CLSTN2: variants seen among roughly 807,000 people sequenced by gnomAD.
CLSTN2 encodes calsyntenin-2.
CLSTN2 carries 48 observed loss-of-function variants against 101.2 expected under a neutral mutation model. The ratio of observed to expected loss-of-function variants is 0.47; its 90% CI spans 0.38 to 0.60. The LOEUF (loss-of-function observed/expected upper bound fraction) is 0.60. Among genes scored for constraint, CLSTN2 ranks in the 20% least tolerant of loss-of-function variants. The pLI is 0.00. For synonymous variants in CLSTN2, 481 were observed against 463.6 expected (o/e 1.04, Z -0.48); for missense variants, 1,160 against 1,238.2 (o/e 0.94, Z 0.95).
chr3:140,250,279 G>A (rs1216381170), intron 2 of CLSTN2, among the ~76,000 whole-genome samples: 2 of 152,280 alleles, frequency 1.3e-5, no homozygotes, highest in South Asian at 2.1e-4. Context: ...TTGGATCTGG[G>A]AATAGAGTAA....
chr3:140,350,928 A>G (rs2107942590), intron 2 of CLSTN2, among the ~76,000 whole-genome samples: 1 of 152,256 alleles, frequency 6.6e-6, no homozygotes, highest in South Asian at 2.1e-4. Flanking sequence ...TACATACCTG[A>G]GCTCCTCTCA....
intron 1 of CLSTN2, among the ~76,000 whole-genome samples, chr3:140,107,434 A>G (rs1461300078): frequency 6.6e-6 from 1 of 152,158 alleles, no homozygotes. Context: ...ACAACTCCAG[A>G]AAAGAGTCTT....
At chr3:139,952,287 G>A (rs1469512440) in intron 1 of CLSTN2, among the ~76,000 whole-genome samples, 5 of 152,082 alleles carry the variant, frequency 3.3e-5, no homozygotes, top group Admixed American at 1.3e-4. Flanking sequence ...CCATATTTTC[G>A]ATTATAATGG....
At chr3:139,997,068 A>G (rs1385883428) in intron 1 of CLSTN2, among the ~76,000 whole-genome samples, 2 of 150,848 alleles carry the variant, frequency 1.3e-5, no homozygotes, top group African/African-American at 2.4e-5. Context: ...AAAAAAAAAG[A>G]AAAGGAAATA....
intron 1 of CLSTN2, among the ~76,000 whole-genome samples, chr3:140,134,591 G>A (rs146928923): frequency 6.6e-6 from 1 of 152,240 alleles, no homozygotes; most frequent in Non-Finnish European, 1.5e-5. Flanking sequence ...TTTTAATCTG[G>A]CCTCTTTGGA....
At chr3:140,287,128 ATGT>A (rs1278926430) in intron 2 of CLSTN2, among the ~76,000 whole-genome samples, 1 of 152,204 alleles carries the variant, frequency 6.6e-6, no homozygotes, top group Non-Finnish European at 1.5e-5. Context: ...AATTTTAAGG[ATGT>A]TGTCTGATTT....
intron 9 of CLSTN2, among the ~76,000 whole-genome samples, chr3:140,534,584 T>A (rs1576616174): frequency 6.6e-6 from 1 of 152,220 alleles, no homozygotes; most frequent in South Asian, 2.1e-4. Context: ...TTCCGCCTTA[T>A]CCACAGTCAG....
At chr3:140,456,387 G>A (rs1344191234) in intron 6 of CLSTN2, among the ~76,000 whole-genome samples, 8 of 152,164 alleles carry the variant, frequency 5.3e-5, no homozygotes, top group East Asian at 1.9e-4. Context: ...GATATTCACC[G>A]CGCAGATGAG....
At chr3:139,973,095 G>A (rs1328188596) in intron 1 of CLSTN2, among the ~76,000 whole-genome samples, 1 of 152,228 alleles carries the variant, frequency 6.6e-6, no homozygotes, top group African/African-American at 2.4e-5. Context: ...CTGTGAGCAG[G>A]GCTCTGAGGG....
chr3:140,525,318 T>C (rs1576611682), intron 8 of CLSTN2, among the ~76,000 whole-genome samples: 1 of 152,126 alleles, frequency 6.6e-6, no homozygotes, highest in Non-Finnish European at 1.5e-5. Flanking sequence ...TGAAAACCTC[T>C]CTGCATATAA....
At chr3:140,347,143 T>G (rs1010900242) in intron 2 of CLSTN2, among the ~76,000 whole-genome samples, 8 of 152,256 alleles carry the variant, frequency 5.3e-5, no homozygotes, top group Admixed American at 5.2e-4. Context: ...ATTGTTTTTC[T>G]TGATGGTTTT....
chr3:140,206,160 A>G (rs1158373347), intron 2 of CLSTN2, among the ~76,000 whole-genome samples: 5 of 152,196 alleles, frequency 3.3e-5, no homozygotes, highest in African/African-American at 7.2e-5. Flanking sequence ...ACAACTCCCA[A>G]TTAGTCTGTT....
Position 140,416,675 on chromosome 3 carries a change from C to T in CLSTN2, c.638-4450C>T, listed in dbSNP as rs115156872. Among the ~76,000 whole-genome samples the T allele has an allele frequency of 4.3e-3, 648 of 152,224 alleles. 5 individuals carry two copies. The highest frequency in any genetic ancestry group is 7.1e-3 in the Non-Finnish European group (485 of 68,022). ...GTAAAATGGAAATTGAATATTGTAC[C>T]GGTGCAGTGTGATTGTTATCTGAAC... is the stretch of plus-strand genomic sequence containing the variant. On this transcript the variant is annotated intron_variant, in intron 4 of 16. Transcript: ENST00000458420.
At chr3:140,056,627 G>A (rs941137256) in intron 1 of CLSTN2, among the ~76,000 whole-genome samples, 1 of 152,146 alleles carries the variant, frequency 6.6e-6, no homozygotes, top group Non-Finnish European at 1.5e-5. Flanking sequence ...GAGTAGAGAG[G>A]AAGTTTGCAA....
chr3:140,558,809 G>A lies in CLSTN2; in HGVS notation c.1993G>A (p.Val665Met). Residue 665 changes from valine to methionine, a missense_variant, in exon 12 of 17, where the codon GTG becomes ATG. Coordinates refer to ENST00000458420, the MANE Select transcript of CLSTN2 (RefSeq NM_022131.3). ...GACCCTCTTCCCTGATATCAAGATT[G>A]TGAGCACCTTCGCCAAAACCGAAGC... ...GVTLFPDIKI[V>M]STFAKTEAPG... 2 of 1,614,056 alleles carry A rather than the reference G, an allele frequency of 1.2e-6. No homozygotes were observed.
At chr3:140,444,106 T>C (rs1576570817) in intron 5 of CLSTN2, among the ~76,000 whole-genome samples, 1 of 152,204 alleles carries the variant, frequency 6.6e-6, no homozygotes, top group Non-Finnish European at 1.5e-5. Context: ...GTAAAAATTA[T>C]AGTTGTCTCA....
intron 8 of CLSTN2, among the ~76,000 whole-genome samples, chr3:140,470,454 C>T (rs1933815534): frequency 6.6e-6 from 1 of 152,056 alleles, no homozygotes; most frequent in African/African-American, 2.4e-5. Context: ...CAGGGCAGGG[C>T]AGCCTAGTGG....
intron 1 of CLSTN2, among the ~76,000 whole-genome samples, chr3:140,078,201 T>C (rs566136037): frequency 2.6e-5 from 4 of 152,310 alleles, no homozygotes; most frequent in African/African-American, 9.6e-5. Flanking sequence ...AGTTCTCCTG[T>C]GATCAGCTCT....
intron 1 of CLSTN2, among the ~76,000 whole-genome samples, chr3:140,004,139 A>G (rs574152062): frequency 4.7e-4 from 72 of 152,372 alleles, no homozygotes; most frequent in African/African-American, 1.6e-3. Context: ...ACATCAAGCA[A>G]TGCCCACTGT....
Sources: gnomAD v4.1 joint callset for allele counts (sites outside exome capture counted in the v4.1 genomes callset) on GRCh38, gnomAD v4.1.1 for gene constraint, MANE v1.5 for transcripts, NCBI Gene and HGNC (gene_info 2026-07-23, HGNC 2026-07-21) for gene names.